SPIRE2: variants seen among roughly 807,000 people sequenced by gnomAD.
SPIRE2 encodes the protein protein spire homolog 2.
In SPIRE2, 76 loss-of-function variants were observed where a neutral mutation model predicts 80.7. The observed-to-expected ratio is 0.94, with a 90% CI of 0.78 to 1.14. SPIRE2 has a LOEUF of 1.14. Ranked by LOEUF, SPIRE2 falls within the 50% of genes most tolerant of loss-of-function variation. SPIRE2 has a pLI of 0.00. For missense variants in SPIRE2, 1,196 were observed against 1,015.3 expected (o/e 1.18, Z -2.42); for synonymous variants, 535 against 432.6 (o/e 1.24, Z -2.94).
At chr16:89,860,604 C>A in intron 9 of SPIRE2, 79 bp from the exon 10 acceptor site, 1 of 989,104 alleles carries the variant, frequency 1.0e-6, no homozygotes, top group Non-Finnish European at 1.5e-6. Flanking sequence ...CCTCCACCAT[C>A]TCTATCATCC....
At chr16:89,838,503 G>C (rs1479940870) in intron 1 of SPIRE2, among the ~76,000 whole-genome samples, 1 of 151,998 alleles carries the variant, frequency 6.6e-6, no homozygotes, top group Non-Finnish European at 1.5e-5. Flanking sequence ...TCTTATGGTA[G>C]GTGATTTCTC....
intron 7 of SPIRE2, among the ~76,000 whole-genome samples, chr16:89,858,030 G>C (rs571570955): frequency 4.0e-5 from 6 of 151,810 alleles, no homozygotes; most frequent in East Asian, 1.9e-4. Context: ...CTACAGGCGC[G>C]TGCCACCACG....
chr16:89,866,728 C>G (rs1359795283), intron 12 of SPIRE2, among the ~76,000 whole-genome samples: 1 of 152,042 alleles, frequency 6.6e-6, no homozygotes, highest in Non-Finnish European at 1.5e-5. Context: ...CCTGCCTCAG[C>G]CTCCCGAGTA....
intron 1 of SPIRE2, among the ~76,000 whole-genome samples, chr16:89,838,595 G>C (rs781462480): frequency 5.9e-5 from 9 of 152,174 alleles, no homozygotes; most frequent in Admixed American, 1.3e-4. Context: ...TGGCAGATCT[G>C]TGTTTGCCCC....
At position 89,863,149 on chromosome 16, in the gene SPIRE2, G is replaced by A. The variant is rs938300910; in HGVS notation, c.1576-327G>A. The A allele has an allele frequency of 2.8e-6, 1 of 358,144 alleles. No homozygotes were observed. Among genetic ancestry groups the A allele is most frequent in the East Asian group, 6.0e-5 (1 of 16,684 alleles). 22.2% of individuals were successfully genotyped at this position (358,144 alleles called of 1,614,324 possible). Reference sequence around the variant, plus strand: ...GGAGGGAAGGTTTGAGATGGATTCTGGCTGGTGTGGATCAGCCCATGGTGT... The same window carrying A: ...GGAGGGAAGGTTTGAGATGGATTCTAGCTGGTGTGGATCAGCCCATGGTGT... On this transcript the variant is annotated intron_variant, in intron 10 of 14. Coordinates refer to ENST00000378247, the MANE Select transcript of SPIRE2 (RefSeq NM_032451.2). The surrounding 1 kb of genome is among the most constrained non-coding windows in gnomAD (Gnocchi z 4.3).
rs544091815 is a variant in SPIRE2, at chr16:89,869,817, G to A, written c.1922+135G>A. On this transcript the variant is annotated intron_variant, in intron 14 of 14. Coordinates refer to ENST00000378247, the MANE Select transcript of SPIRE2 (RefSeq NM_032451.2). ...GGAAATGGAAATGCAAGGCAGAGAC[G>A]GATCGTTGTGTAGGGCTCTGGGAGG... The A allele has an allele frequency of 1.1e-4, 84 of 758,140 alleles. No individual in the cohort carries two copies. In the South Asian group the frequency reaches 1.3e-3, roughly 11 times the overall value. The allele number at this position is 758,140 out of a possible 1,614,324, so 47.0% of individuals were successfully genotyped here.
In SPIRE2 at chr16:89,834,986, C is replaced by A. The variant is rs2041431709; in HGVS notation, c.244+6192C>A. 4.0e-5 allele frequency among the ~76,000 whole-genome samples: 6 copies of A among 148,650 alleles called. No homozygotes were observed. The South Asian group carries it at 1.3e-3, about 32-fold the overall frequency. The stretch of plus-strand genomic sequence containing the variant: ...TCGTAGAAGGCCCCATAAGCATAGC[C>A]CGGGTGAATCTGTGAACCTGCCCGC... On this transcript the variant is annotated intron_variant, in intron 1 of 14. Coordinates refer to ENST00000378247, the MANE Select transcript of SPIRE2 (RefSeq NM_032451.2).
chr16:89,869,988 A>G (rs2041825254), intron 14 of SPIRE2, 62 bp from the exon 15 acceptor site: 1 of 1,447,138 alleles, frequency 6.9e-7, no homozygotes, highest in Non-Finnish European at 9.5e-7. Context: ...ATGCACAAGC[A>G]GGGAGGGGGG....
At chr16:89,844,716 G>T (rs1020439386) in intron 1 of SPIRE2, among the ~76,000 whole-genome samples, 1 of 152,204 alleles carries the variant, frequency 6.6e-6, no homozygotes, top group Non-Finnish European at 1.5e-5. Flanking sequence ...GGGATTACAG[G>T]CGTGAGCCAC....
At chr16:89,840,543 T>C (rs2041496239) in intron 1 of SPIRE2, among the ~76,000 whole-genome samples, 1 of 150,138 alleles carries the variant, frequency 6.7e-6, no homozygotes. Flanking sequence ...CCACCATGTC[T>C]GGCCCAAATC....
chr16:89,863,530 G>A lies in SPIRE2; in HGVS notation c.1630G>A (p.Val544Met), dbSNP rs756632852. ...GCTGACTGTGGAAGAGGTGATGGAC[G>A]TGCGCCGTGTGCTGGTGAAGGCCGA... ...LALTVEEVMD[V>M]RRVLVKAEME... The change falls in exon 11 of 15, where the codon GTG (valine) becomes ATG (methionine). Residue 544 changes from valine (V) to methionine (M), a missense_variant. Val to Met is a conservative substitution (Grantham distance 21, BLOSUM62 1). Coordinates refer to ENST00000378247, the MANE Select transcript of SPIRE2 (RefSeq NM_032451.2). The surrounding 1 kb of genome is among the most constrained non-coding windows in gnomAD (Gnocchi z 4.3). 8.1e-6 allele frequency: 13 copies of A among 1,613,944 alleles called. No homozygotes were observed. Among genetic ancestry groups the A allele is most frequent in the African/African-American group, 1.3e-5 (1 of 74,934 alleles).
At position 89,850,570 on chromosome 16, in the gene SPIRE2, A is replaced by C. The variant is rs1012211851; in HGVS notation, c.555A>C (p.Ala185=). 81 of 1,516,308 alleles carry C rather than the reference A, an allele frequency of 5.3e-5. No individual in the cohort carries two copies. The highest frequency in any genetic ancestry group is 6.8e-5 in the Non-Finnish European group (77 of 1,136,924). 93.9% of individuals were successfully genotyped at this position (1,516,308 alleles called of 1,614,324 possible). A position where few individuals can be genotyped will look rare whatever the true frequency, so the allele number is the denominator to read the frequency against. ...CGCGGCTGACCGACCCCCGGGGCGC[A>C]CAGGCGCATTACCAGGCCGTGTGCC... is the stretch of plus-strand genomic sequence containing the variant. ...CAARLTDPRG[A]QAHYQAVCRA... is the part of the protein sequence containing the mutation. Residue 185 remains alanine, a synonymous_variant, in exon 3 of 15, where the codon GCA becomes GCC. Coordinates refer to ENST00000378247, the MANE Select transcript of SPIRE2 (RefSeq NM_032451.2).
At chr16:89,850,195 C>A in intron 2 of SPIRE2, 109 bp from the exon 3 acceptor site, 1 of 894,666 alleles carries the variant, frequency 1.1e-6, no homozygotes, top group Non-Finnish European at 1.8e-6. Flanking sequence ...TGTGGACCGA[C>A]AGCTGCTGTC....
intron 1 of SPIRE2, among the ~76,000 whole-genome samples, chr16:89,843,684 TGTTTTTGTTTTTTG>T (rs1567671362): frequency 2.2e-4 from 5 of 22,882 alleles, no homozygotes; most frequent in East Asian, 6.2e-3. Context: ...TTTTTTTGTT[TGTTTTTGTTTTTTG>T]TTTTTTTTTT....
intron 1 of SPIRE2, among the ~76,000 whole-genome samples, chr16:89,844,931 C>G (rs1479192645): frequency 6.6e-6 from 1 of 152,188 alleles, no homozygotes; most frequent in African/African-American, 2.4e-5. Flanking sequence ...CCATGTTTCC[C>G]TAGGGGCAGC....
chr16:89,868,054 A>G lies in SPIRE2; in HGVS notation c.1779-135A>G, dbSNP rs1212211083. 1.3e-5 allele frequency: 12 copies of G among 937,686 alleles called. No homozygotes were observed. In the Admixed American group the frequency reaches 2.2e-4, roughly 17 times the overall value. 58.1% of individuals were successfully genotyped at this position (937,686 alleles called of 1,614,324 possible). On this transcript the variant is annotated intron_variant, in intron 12 of 14. Coordinates refer to ENST00000378247, the MANE Select transcript of SPIRE2 (RefSeq NM_032451.2). ...GCAAGATTTTGGAGTAAAATAAAGT[A>G]CTGAAGTAACCAAGCATCAGGCAGA...
rs1222113990 is a variant in SPIRE2 at position 89,850,351 on chromosome 16, G to A, written c.336G>A (p.Gly112=). The A allele has an allele frequency of 1.2e-6, 2 of 1,600,338 alleles. No individual in the cohort carries two copies. The highest frequency in any genetic ancestry group is 1.7e-6 in the Non-Finnish European group (2 of 1,175,330). Residue 112 remains glycine (G), a synonymous_variant, in exon 3 of 15, where the codon GGG becomes GGA. Transcript: ENST00000378247. ...GFAIYRALDW[G]LDESEERELS... is the part of the protein sequence containing the mutation. Reference sequence around the variant, plus strand: ...CCATCTACCGCGCGCTGGACTGGGGGCTGGACGAGAGCGAGGAGCGCGAAC... The same window carrying A: ...CCATCTACCGCGCGCTGGACTGGGGACTGGACGAGAGCGAGGAGCGCGAAC...
intron 9 of SPIRE2, among the ~76,000 whole-genome samples, chr16:89,859,593 C>G (rs1441424258): frequency 6.6e-6 from 1 of 152,158 alleles, no homozygotes; most frequent in Non-Finnish European, 1.5e-5. Context: ...AAAGAATTCT[C>G]ATGATTCTAT....
chr16:89,834,987 C>G (rs1458446620), intron 1 of SPIRE2, among the ~76,000 whole-genome samples: 3 of 148,320 alleles, frequency 2.0e-5, no homozygotes, highest in South Asian at 4.3e-4. Context: ...AAGCATAGCC[C>G]GGGTGAATCT....
Sources: gnomAD v4.1 joint callset for allele counts (sites outside exome capture counted in the v4.1 genomes callset) on GRCh38, gnomAD v4.1.1 for gene constraint, Gnocchi (gnomAD v3.1) non-coding constraint, MANE v1.5 for transcripts, NCBI Gene and HGNC (gene_info 2026-07-23, HGNC 2026-07-21) for gene names.